Variants in NBAS observed in about 807,000 individuals in gnomAD.
NBAS encodes the protein NAG/BC035112 fusion.
In NBAS, 219 loss-of-function variants were observed where a neutral mutation model predicts 302.5. The observed-to-expected ratio is 0.72, with a 90% CI of 0.65 to 0.81. NBAS has a LOEUF of 0.81. Ranked by LOEUF, NBAS falls within the 30% of genes least tolerant of loss-of-function variation. NBAS has a pLI of 0.00. For missense variants in NBAS, 2,932 were observed against 2,841.6 expected (o/e 1.03, Z -0.72); for synonymous variants, 1,118 against 1,021.6 (o/e 1.09, Z -1.80).
rs1203900651 is a variant in NBAS, at chr2:15,292,728, A to G, written c.4836T>C (p.His1612=). Residue 1612 remains histidine, a synonymous_variant, in exon 41 of 52, where the codon CAT becomes CAC. Transcript: ENST00000281513. ...PKELIKMVTR[H]VTRHEHEAWP... is the part of the protein sequence containing the mutation. ...AGGCTTCGTGCTCATGTCGAGTCAC[A>G]TGCCTGGTGACCATCTTGATTAGTT... The G allele has an allele frequency of 4.3e-6, 7 of 1,614,242 alleles. No homozygotes were observed. The East Asian group carries it at 1.3e-4, about 31-fold the overall frequency.
the NBAS span, among the ~76,000 whole-genome samples, chr2:15,088,744 T>G: frequency 2.6e-5 from 4 of 152,098 alleles, no homozygotes; most frequent in Middle Eastern, 3.4e-3. Context: ...CTCACAGAGG[T>G]GGAAAGTGAT....
rs114135974 is a variant in NBAS at position 15,424,488 on chromosome 2, C to G, written c.2424-20G>C. The G allele has an allele frequency of 6.2e-7, 1 of 1,613,248 alleles. No individual in the cohort carries two copies. On this transcript the variant is annotated intron_variant, in intron 22 of 51. Coordinates refer to ENST00000281513, the MANE Select transcript of NBAS (RefSeq NM_015909.4). ...ACCATTCTGTGAAGCACAAAAGGACCAATTAATAACTGACTAGAATGTTGG... is the reference window on the plus strand; with the variant it reads ...ACCATTCTGTGAAGCACAAAAGGACGAATTAATAACTGACTAGAATGTTGG...
At chr2:15,339,677 T>C (rs1414494544) in intron 35 of NBAS, among the ~76,000 whole-genome samples, 1 of 151,864 alleles carries the variant, frequency 6.6e-6, no homozygotes, top group Non-Finnish European at 1.5e-5. Context: ...ATCAGATAAG[T>C]TTTATACATA....
At chr2:15,146,470 A>G in the NBAS span, among the ~76,000 whole-genome samples, 1 of 152,140 alleles carries the variant, frequency 6.6e-6, no homozygotes, top group African/African-American at 2.4e-5. Flanking sequence ...AGAAAACTCA[A>G]TGAAAGTCCA....
chr2:14,831,773 G>A, the NBAS span, among the ~76,000 whole-genome samples: 38 of 152,210 alleles, frequency 2.5e-4, no homozygotes, highest in African/African-American at 7.9e-4. Context: ...ACCCTCATGG[G>A]TAACATGAAG....
At chr2:15,361,407 G>A (rs1231241001) in intron 32 of NBAS, among the ~76,000 whole-genome samples, 2 of 151,988 alleles carry the variant, frequency 1.3e-5, no homozygotes, top group African/African-American at 4.8e-5. Context: ...CAGCTACTCG[G>A]GAGGCTGAGG....
intron 12 of NBAS, 78 bp from the exon 13 acceptor site, chr2:15,478,367 T>C (rs898251953): frequency 2.8e-6 from 3 of 1,064,866 alleles, no homozygotes; most frequent in African/African-American, 3.1e-5. Context: ...TGTGGACTTT[T>C]TCAAATAAAG....
At chr2:14,951,765 C>G in the NBAS span, among the ~76,000 whole-genome samples, 2 of 152,162 alleles carry the variant, frequency 1.3e-5, no homozygotes, top group African/African-American at 2.4e-5. Context: ...TCTTACTCAT[C>G]CCAGGTTACA....
the NBAS span, among the ~76,000 whole-genome samples, chr2:15,087,671 C>T: frequency 1.3e-5 from 2 of 152,192 alleles, no homozygotes; most frequent in Non-Finnish European, 2.9e-5. Flanking sequence ...GGCCTGAGTG[C>T]CTGTGTGCAC....
chr2:15,182,002 T>C (rs537777049), intron 50 of NBAS, among the ~76,000 whole-genome samples: 73 of 152,316 alleles, frequency 4.8e-4, no homozygotes, highest in African/African-American at 1.6e-3. Context: ...TGAGCTCCCA[T>C]TGCTGTTGCC....
intron 27 of NBAS, among the ~76,000 whole-genome samples, chr2:15,394,610 A>G (rs1435649107): frequency 2.0e-5 from 3 of 152,152 alleles, no homozygotes; most frequent in Non-Finnish European, 4.4e-5. Context: ...ACCTATCTTT[A>G]TCTCAAAAAT....
the NBAS span, among the ~76,000 whole-genome samples, chr2:14,797,998 C>T: frequency 6.6e-6 from 1 of 152,194 alleles, no homozygotes; most frequent in Admixed American, 6.5e-5. Context: ...ACTTCCGTGT[C>T]AAATCCATCA....
chr2:14,955,902 T>TG, the NBAS span, among the ~76,000 whole-genome samples: 1 of 152,208 alleles, frequency 6.6e-6, no homozygotes, highest in African/African-American at 2.4e-5. Context: ...CCCATTGCCT[T>TG]GGGGACTAAC....
At chr2:15,523,926 T>A (rs1439121832) in intron 9 of NBAS, among the ~76,000 whole-genome samples, 1 of 151,946 alleles carries the variant, frequency 6.6e-6, no homozygotes, top group Non-Finnish European at 1.5e-5. Context: ...AATAAATAAA[T>A]AAATAAACAA....
At chr2:14,844,704 A>G in the NBAS span, among the ~76,000 whole-genome samples, 30,938 of 152,046 alleles carry the variant, frequency 0.2, 4,993 homozygotes, top group African/African-American at 0.44. Context: ...ACCAGGCAGC[A>G]TTCACTACAA....
the NBAS span, among the ~76,000 whole-genome samples, chr2:14,957,924 T>C: frequency 2.0e-5 from 3 of 152,180 alleles, no homozygotes; most frequent in Non-Finnish European, 4.4e-5. Flanking sequence ...TTTACTCATC[T>C]AGTAAATGGC....
chr2:15,538,477 G>A (rs1038454266), intron 7 of NBAS: 2 of 270,026 alleles, frequency 7.4e-6, no homozygotes, highest in Non-Finnish European at 7.8e-6. Flanking sequence ...GCCCCACAAA[G>A]ATCAAATGAA....
At chr2:14,859,043 A>G in the NBAS span, among the ~76,000 whole-genome samples, 1 of 152,100 alleles carries the variant, frequency 6.6e-6, no homozygotes, top group Non-Finnish European at 1.5e-5. Context: ...TGCCAACAGC[A>G]AACAATCTGA....
intron 44 of NBAS, among the ~76,000 whole-genome samples, chr2:15,243,677 C>A (rs564854079): frequency 6.6e-6 from 1 of 151,978 alleles, no homozygotes; most frequent in Non-Finnish European, 1.5e-5. Flanking sequence ...GCAGATCATA[C>A]CCCTAATGAA....
Sources: allele counts gnomAD v4.1 joint callset (sites outside exome capture counted in the v4.1 genomes callset), GRCh38; gene constraint gnomAD v4.1.1; transcripts MANE v1.5; gene names NCBI Gene and HGNC (gene_info 2026-07-23, HGNC 2026-07-21).